RELN: variants seen among roughly 807,000 people sequenced by gnomAD.
RELN encodes reelin.
In RELN, 108 loss-of-function variants were observed where a neutral mutation model predicts 427.6. The observed-to-expected ratio is 0.25, with a 90% CI of 0.22 to 0.30. RELN has a LOEUF of 0.30. RELN is among the 10% of genes least tolerant of loss of function. The pLI is 1.00. For synonymous variants in RELN, 1,524 were observed against 1,513.4 expected (o/e 1.01, Z -0.16); for missense variants, 3,715 against 4,302.8 (o/e 0.86, Z 3.82).
rs149553049 is a variant in RELN, at chr7:103,756,258, G to A, written c.545-3044C>T. 3.3e-3 allele frequency among the ~76,000 whole-genome samples: 498 copies of A among 152,286 alleles called. 2 individuals carry two copies. The highest frequency in any genetic ancestry group is 0.012 in the African/African-American group (479 of 41,542). On this transcript the variant is annotated intron_variant, in intron 4 of 64. Coordinates refer to ENST00000428762, the MANE Select transcript of RELN (RefSeq NM_005045.4). ...CATATACATCACAATCAGCAGGAGA[G>A]GGCCATTTTAGAAAGACCCACTGAG...
intron 3 of RELN, among the ~76,000 whole-genome samples, chr7:103,785,162 T>C (rs1400625253): frequency 2.0e-5 from 3 of 152,128 alleles, no homozygotes; most frequent in African/African-American, 7.2e-5. Context: ...TTAAACTAAC[T>C]GTATTCTGGA....
At chr7:103,955,527 T>TA (rs773616975) in intron 1 of RELN, among the ~76,000 whole-genome samples, 1 of 152,224 alleles carries the variant, frequency 6.6e-6, no homozygotes, top group South Asian at 2.1e-4. Context: ...TACCAGGACT[T>TA]ACAACCTTCT....
chr7:103,690,425 G>T (rs1481389997), intron 10 of RELN, among the ~76,000 whole-genome samples: 1 of 152,026 alleles, frequency 6.6e-6, no homozygotes, highest in African/African-American at 2.4e-5. Flanking sequence ...CTTAAATGTG[G>T]AACACCCATC....
At chr7:103,656,390 T>C (rs915919274) in intron 12 of RELN, among the ~76,000 whole-genome samples, 7 of 151,980 alleles carry the variant, frequency 4.6e-5, no homozygotes, top group African/African-American at 1.7e-4. Context: ...AACTAAGCCC[T>C]TTAAGACAAA....
chr7:103,556,330 G>T (rs1336295893), intron 38 of RELN, among the ~76,000 whole-genome samples: 3 of 151,570 alleles, frequency 2.0e-5, no homozygotes, highest in Non-Finnish European at 4.4e-5. Flanking sequence ...TGATAATGCT[G>T]GATTATTTTT....
At chr7:103,806,252 G>C (rs1365537238) in intron 3 of RELN, among the ~76,000 whole-genome samples, 1 of 152,140 alleles carries the variant, frequency 6.6e-6, no homozygotes, top group Non-Finnish European at 1.5e-5. Flanking sequence ...AGGGACTTCA[G>C]CTTAGTCCAG....
chr7:103,603,231 G>A lies in RELN; in HGVS notation c.3333+73C>T. 1 of 1,228,278 alleles carries A rather than the reference G, an allele frequency of 8.1e-7. No homozygotes were observed. Among genetic ancestry groups the A allele is most frequent in the East Asian group, 2.3e-5 (1 of 42,978 alleles). 76.1% of individuals were successfully genotyped at this position (1,228,278 alleles called of 1,614,324 possible). On this transcript the variant is annotated intron_variant, in intron 24 of 64. Transcript: ENST00000428762. This position sits in a 1 kb window ranked among gnomAD's most constrained non-coding sequence, Gnocchi z 4.3. ...GGAACAATAGAACCACTTCATATTT[G>A]TACATTTGGAATTCAGAGTCTCATA... is the stretch of plus-strand genomic sequence containing the variant.
At chr7:103,550,262 T>C (rs1830383476) in intron 41 of RELN, among the ~76,000 whole-genome samples, 1 of 152,212 alleles carries the variant, frequency 6.6e-6, no homozygotes, top group South Asian at 2.1e-4. Flanking sequence ...GTAGTCTTGT[T>C]TGAAGACTCA....
chr7:103,872,894 C>G (rs1319099605), intron 2 of RELN, among the ~76,000 whole-genome samples: 2 of 151,194 alleles, frequency 1.3e-5, no homozygotes, highest in Non-Finnish European at 2.9e-5. Context: ...GTCCTTCGCC[C>G]ACTTTTTGAT....
At chr7:103,747,771 A>G (rs1372773704) in intron 6 of RELN, among the ~76,000 whole-genome samples, 1 of 152,056 alleles carries the variant, frequency 6.6e-6, no homozygotes, top group African/African-American at 2.4e-5. Flanking sequence ...TTTAAAGACA[A>G]AAAAGGACTG....
At chr7:103,581,151 G>A (rs1343316931) in intron 28 of RELN, among the ~76,000 whole-genome samples, 1 of 152,084 alleles carries the variant, frequency 6.6e-6, no homozygotes, top group Non-Finnish European at 1.5e-5. Flanking sequence ...GTGGATGAAG[G>A]AACCACTATC....
chr7:103,695,717 G>A (rs910976181), intron 10 of RELN, among the ~76,000 whole-genome samples: 19 of 152,020 alleles, frequency 1.2e-4, no homozygotes, highest in Non-Finnish European at 2.1e-4. Context: ...CCCAGGCCCC[G>A]AGGTCTCCTG....
chr7:103,480,673 T>A (rs1828201984), intron 63 of RELN, among the ~76,000 whole-genome samples: 1 of 152,228 alleles, frequency 6.6e-6, no homozygotes, highest in South Asian at 2.1e-4. Context: ...CTTTAACAAA[T>A]TTTTGAAATG....
chr7:103,835,787 G>T (rs150455764), intron 2 of RELN, among the ~76,000 whole-genome samples: 1 of 152,028 alleles, frequency 6.6e-6, no homozygotes, highest in Non-Finnish European at 1.5e-5. Flanking sequence ...CCTTAAAGTT[G>T]CTATAAGTAG....
rs57873981 is a variant in RELN, at chr7:103,816,530, A to AACACACACACACACACACACAC, written c.473+16985_473+17006dup. On this transcript the variant is annotated intron_variant, in intron 3 of 64. Coordinates refer to ENST00000428762, the MANE Select transcript of RELN (RefSeq NM_005045.4). ...TTATCCAGAACCATCTTTCTCTAGA[A>AACACACACACACACACACACAC]ACACACACACACACACACACACACA... Among the ~76,000 whole-genome samples, 376 of 143,714 alleles carry AACACACACACACACACACACAC rather than the reference A, an allele frequency of 2.6e-3. 1 individual carries two copies. The highest frequency in any genetic ancestry group is 3.8e-3 in the Non-Finnish European group (249 of 65,720). 94.3% of individuals were successfully genotyped at this position (143,714 alleles called of 152,430 possible).
chr7:103,987,590 T>C (rs942464896), intron 1 of RELN, among the ~76,000 whole-genome samples: 30 of 152,194 alleles, frequency 2.0e-4, no homozygotes, highest in Non-Finnish European at 2.2e-4. Context: ...CCGTTCTCAC[T>C]GAGAGATCAT....
chr7:103,583,793 G>A (rs1831209084), intron 28 of RELN, among the ~76,000 whole-genome samples: 1 of 152,154 alleles, frequency 6.6e-6, no homozygotes, highest in Non-Finnish European at 1.5e-5. Flanking sequence ...AAGAGCGTCA[G>A]CAGTCCACCT....
At chr7:103,829,605 G>GTATAGCCATCTATACATTC (rs1793226723) in intron 3 of RELN, among the ~76,000 whole-genome samples, 1 of 151,776 alleles carries the variant, frequency 6.6e-6, no homozygotes, top group Non-Finnish European at 1.5e-5. Context: ...TTCTACATTT[G>GTATAGCCATCTATACATTC]TACCAGTATA....
intron 63 of RELN, chr7:103,482,005 C>A: frequency 6.6e-6 from 1 of 152,278 alleles, no homozygotes. Context: ...TCAGTGAAAA[C>A]TAAGACGAGG....
Sources: allele counts gnomAD v4.1 joint callset (sites outside exome capture counted in the v4.1 genomes callset), GRCh38; gene constraint gnomAD v4.1.1; non-coding constraint Gnocchi (gnomAD v3.1); transcripts MANE v1.5; gene names NCBI Gene and HGNC (gene_info 2026-07-23, HGNC 2026-07-21).